Variants in OR6N1 observed in about 807,000 individuals in gnomAD.
OR6N1 encodes olfactory receptor family 6 subfamily N member 1, also known as olfactory receptor 6N1.
For missense variants in OR6N1, 394 were observed against 371.7 expected, an observed-to-expected ratio of 1.06 and a Z score of -0.49; for synonymous variants, 170 against 150.7, an observed-to-expected ratio of 1.13 and a Z score of -0.94.
chr1:158,835,622 G>T, the OR6N1 span, among the ~76,000 whole-genome samples: 39 of 12,984 alleles, frequency 3.0e-3, no homozygotes, highest in African/African-American at 8.1e-3. Context: ...TGGTGGGGGC[G>T]GGGGGTGGGT....
chr1:158,830,599 GA>G, the OR6N1 span, among the ~76,000 whole-genome samples: 5 of 151,078 alleles, frequency 3.3e-5, no homozygotes, highest in Admixed American at 1.3e-4. Context: ...TTCTTCACAG[GA>G]AAAAAAAATT....
At position 158,764,733 on chromosome 1, in the gene OR6N1, G is replaced by C. The variant is rs184375644; in HGVS notation, c.*1011C>G. Reference sequence around the variant, plus strand: ...TTAGAATTATTTTTCACACGTTTCAGGAAATAATTAGCTTACAATTCAATA... The same window carrying C: ...TTAGAATTATTTTTCACACGTTTCACGAAATAATTAGCTTACAATTCAATA... On this transcript the variant is annotated 3_prime_UTR_variant, in exon 2 of 2. Coordinates refer to ENST00000641846, the MANE Select transcript of OR6N1 (RefSeq NM_001005185.2). 6.6e-6 allele frequency: 1 copy of C among 152,060 alleles called. No homozygotes were observed. Among genetic ancestry groups the C allele is most frequent in the East Asian group, 1.9e-4 (1 of 5,176 alleles). 9.4% of individuals were successfully genotyped at this position (152,060 alleles called of 1,614,324 possible).
the OR6N1 span, among the ~76,000 whole-genome samples, chr1:158,813,697 CT>C: frequency 0.12 from 9,407 of 78,390 alleles, 140 homozygotes; most frequent in South Asian, 0.25. Flanking sequence ...TATGTATGGT[CT>C]TTTTTTTTTT....
the OR6N1 span, among the ~76,000 whole-genome samples, chr1:158,817,295 A>G: frequency 1.3e-5 from 2 of 152,198 alleles, no homozygotes; most frequent in Admixed American, 6.5e-5. Context: ...TGCCTTAGCT[A>G]CTAATGAGCT....
chr1:158,814,253 A>G, the OR6N1 span, among the ~76,000 whole-genome samples: 1 of 152,130 alleles, frequency 6.6e-6, no homozygotes, highest in African/African-American at 2.4e-5. Flanking sequence ...GTAAGTATAC[A>G]TATATGTATA....
At chr1:158,772,801 G>C (rs1465846289), upstream of OR6N1, among the ~76,000 whole-genome samples, 2 of 152,122 alleles carry the variant, frequency 1.3e-5, no homozygotes, top group African/African-American at 4.8e-5. Flanking sequence ...ACCTCACTGA[G>C]CCATGGTTGG....
chr1:158,791,970 C>T, the OR6N1 span, among the ~76,000 whole-genome samples: 1 of 152,276 alleles, frequency 6.6e-6, no homozygotes, highest in Non-Finnish European at 1.5e-5. Flanking sequence ...CCTCGATTAT[C>T]TGTCTAGTGC....
At chr1:158,770,138 A>T (rs1295399192) in intron 1 of OR6N1, among the ~76,000 whole-genome samples, 2 of 152,186 alleles carry the variant, frequency 1.3e-5, no homozygotes, top group Non-Finnish European at 2.9e-5. Flanking sequence ...TCAGATCTAC[A>T]TGGATGGCTG....
At chr1:158,783,140 C>A in the OR6N1 span, among the ~76,000 whole-genome samples, 10 of 152,174 alleles carry the variant, frequency 6.6e-5, no homozygotes, top group Non-Finnish European at 1.5e-4. Context: ...TCACTTCCTG[C>A]CTTGTTACTT....
At chr1:158,800,017 G>A in the OR6N1 span, among the ~76,000 whole-genome samples, 8 of 152,070 alleles carry the variant, frequency 5.3e-5, no homozygotes, top group African/African-American at 1.4e-4. Context: ...ACTGGAAAGC[G>A]TTAGAAAACG....
At chr1:158,837,610 T>C in the OR6N1 span, among the ~76,000 whole-genome samples, 3 of 151,838 alleles carry the variant, frequency 2.0e-5, 1 homozygote. Flanking sequence ...ATGAGCCTCT[T>C]GTATGCAACA....
At chr1:158,803,414 C>T in the OR6N1 span, among the ~76,000 whole-genome samples, 1 of 152,174 alleles carries the variant, frequency 6.6e-6, no homozygotes, top group Non-Finnish European at 1.5e-5. Context: ...CTGCATCTCC[C>T]ACAGTCTCAA....
chr1:158,786,562 G>A, the OR6N1 span, among the ~76,000 whole-genome samples: 1 of 152,102 alleles, frequency 6.6e-6, no homozygotes, highest in East Asian at 1.9e-4. Flanking sequence ...GTAGCAGCAC[G>A]ATTTGCAATT....
At chr1:158,811,640 T>C in the OR6N1 span, among the ~76,000 whole-genome samples, 1 of 152,248 alleles carries the variant, frequency 6.6e-6, no homozygotes, top group East Asian at 1.9e-4. Context: ...GAAGAATACA[T>C]TTGCATCACT....
upstream of OR6N1, chr1:158,775,364 T>C (rs1365980067): frequency 1.3e-5 from 2 of 152,120 alleles, no homozygotes; most frequent in Admixed American, 1.3e-4. Context: ...AAATCCATAA[T>C]GTATTTGAAG....
chr1:158,817,618 C>T, the OR6N1 span, among the ~76,000 whole-genome samples: 663 of 152,302 alleles, frequency 4.4e-3, 3 homozygotes, highest in African/African-American at 0.015. Context: ...CTTGCTAGTG[C>T]TGTACAGCAA....
chr1:158,779,282 C>T, the OR6N1 span, among the ~76,000 whole-genome samples: 2 of 152,072 alleles, frequency 1.3e-5, no homozygotes, highest in African/African-American at 4.8e-5. Flanking sequence ...CACACCATAC[C>T]CTGTGTAGAT....
At chr1:158,790,060 T>A in the OR6N1 span, among the ~76,000 whole-genome samples, 4 of 152,200 alleles carry the variant, frequency 2.6e-5, no homozygotes, top group African/African-American at 9.6e-5. Context: ...CATATAGTCA[T>A]CTAGTTTTTC....
At chr1:158,816,792 G>A in the OR6N1 span, among the ~76,000 whole-genome samples, 1 of 152,240 alleles carries the variant, frequency 6.6e-6, no homozygotes, top group African/African-American at 2.4e-5. Context: ...CTGGATATTT[G>A]GATCTTACCC....
Sources: allele counts gnomAD v4.1 joint callset (sites outside exome capture counted in the v4.1 genomes callset), GRCh38; gene constraint gnomAD v4.1.1; transcripts MANE v1.5; gene names NCBI Gene and HGNC (gene_info 2026-07-23, HGNC 2026-07-21).